Variants in LOC128092252 observed in about 807,000 individuals in gnomAD.
chr15:50,673,745 G>A, the LOC128092252 span, among the ~76,000 whole-genome samples: 57 of 152,200 alleles, frequency 3.7e-4, no homozygotes, highest in Admixed American at 2.9e-3. Flanking sequence ...ACATGCGTAC[G>A]CAAGTATCTT....
chr15:50,667,861 T>C, the LOC128092252 span, among the ~76,000 whole-genome samples: 36 of 152,246 alleles, frequency 2.4e-4, no homozygotes, highest in Non-Finnish European at 4.4e-4. Context: ...CAGGAAGCAT[T>C]GCCAAATATG....
the LOC128092252 span, among the ~76,000 whole-genome samples, chr15:50,684,515 C>A: frequency 3.9e-5 from 6 of 152,058 alleles, no homozygotes; most frequent in Non-Finnish European, 7.4e-5. Context: ...GTGGCTCGCA[C>A]CTGGAGTCCC....
the LOC128092252 span, among the ~76,000 whole-genome samples, chr15:50,680,349 T>C: frequency 6.6e-6 from 1 of 152,146 alleles, no homozygotes; most frequent in Non-Finnish European, 1.5e-5. Context: ...AAGGCCAGCC[T>C]GAGCAACATG....
the LOC128092252 span, among the ~76,000 whole-genome samples, chr15:50,654,640 T>G: frequency 6.6e-6 from 1 of 151,090 alleles, no homozygotes; most frequent in East Asian, 1.9e-4. Flanking sequence ...AGCAGTAAAA[T>G]GGAAACTATA....
chr15:50,654,420 C>T, the LOC128092252 span, among the ~76,000 whole-genome samples: 9 of 150,874 alleles, frequency 6.0e-5, no homozygotes, highest in East Asian at 1.6e-3. Flanking sequence ...GCACTCCAGC[C>T]TGGGCAACAG....
chr15:50,679,750 G>C, the LOC128092252 span, among the ~76,000 whole-genome samples: 1 of 150,788 alleles, frequency 6.6e-6, no homozygotes. Context: ...GGCCAGGCTG[G>C]TCTCAAACTC....
chr15:50,662,287 C>T, the LOC128092252 span, among the ~76,000 whole-genome samples: 1 of 149,098 alleles, frequency 6.7e-6, no homozygotes, highest in East Asian at 2.0e-4. Flanking sequence ...CTGGAGGGAG[C>T]TTGTACTCCA....
chr15:50,674,822 G>A, the LOC128092252 span, among the ~76,000 whole-genome samples: 4 of 151,962 alleles, frequency 2.6e-5, no homozygotes, highest in African/African-American at 9.7e-5. Flanking sequence ...GTTTGTTTTT[G>A]TTTTTTTGTT....
At chr15:50,667,834 T>C in the LOC128092252 span, among the ~76,000 whole-genome samples, 1 of 152,242 alleles carries the variant, frequency 6.6e-6, no homozygotes, top group African/African-American at 2.4e-5. Flanking sequence ...ATTTGGCTTA[T>C]TGACATAAAA....
the LOC128092252 span, among the ~76,000 whole-genome samples, chr15:50,664,946 C>A: frequency 6.6e-6 from 1 of 152,040 alleles, no homozygotes; most frequent in African/African-American, 2.4e-5. Flanking sequence ...GCCTCGTTGA[C>A]AGAGCAAGAC....
the LOC128092252 span, among the ~76,000 whole-genome samples, chr15:50,650,688 G>A: frequency 6.7e-6 from 1 of 150,296 alleles, no homozygotes; most frequent in South Asian, 2.1e-4. Flanking sequence ...CAGCAAGACT[G>A]GGTCTCAAAA....
chr15:50,663,405 C>T, the LOC128092252 span, among the ~76,000 whole-genome samples: 1 of 152,158 alleles, frequency 6.6e-6, no homozygotes, highest in Admixed American at 6.6e-5. Flanking sequence ...GGATTACAGG[C>T]GTGAGCCACC....
chr15:50,661,990 G>C, the LOC128092252 span, among the ~76,000 whole-genome samples: 3 of 152,196 alleles, frequency 2.0e-5, no homozygotes, highest in Non-Finnish European at 4.4e-5. Context: ...GGCCAAGGCA[G>C]GCAGATGACC....
the LOC128092252 span, among the ~76,000 whole-genome samples, chr15:50,651,384 G>A: frequency 6.7e-3 from 1,021 of 152,250 alleles, 16 homozygotes; most frequent in African/African-American, 0.024. Flanking sequence ...GGTGGCTCAC[G>A]CCTGTAATCC....
the LOC128092252 span, among the ~76,000 whole-genome samples, chr15:50,653,589 C>A: frequency 1.3e-5 from 2 of 152,116 alleles, no homozygotes; most frequent in Non-Finnish European, 2.9e-5. Context: ...GGTAAACCCC[C>A]ATGACTGCAC....
At chr15:50,672,315 C>G in the LOC128092252 span, among the ~76,000 whole-genome samples, 2 of 151,962 alleles carry the variant, frequency 1.3e-5, no homozygotes, top group African/African-American at 4.8e-5. Context: ...CTTGGCCTCC[C>G]AAAGTGCTAG....
the LOC128092252 span, among the ~76,000 whole-genome samples, chr15:50,677,001 T>A: frequency 1.3e-5 from 2 of 152,166 alleles, no homozygotes; most frequent in African/African-American, 4.8e-5. Flanking sequence ...GTTTGGAGTT[T>A]GAGTACAATG....
the LOC128092252 span, among the ~76,000 whole-genome samples, chr15:50,674,881 G>C: frequency 3.6e-4 from 54 of 152,022 alleles, no homozygotes; most frequent in African/African-American, 1.3e-3. Context: ...CCATAGTTTT[G>C]GGTTTTTTCC....
At chr15:50,677,493 C>A in the LOC128092252 span, among the ~76,000 whole-genome samples, 4 of 152,070 alleles carry the variant, frequency 2.6e-5, no homozygotes, top group African/African-American at 7.2e-5. Flanking sequence ...ATAATCCCAG[C>A]ACTTTGGGAG....
Sources: allele counts gnomAD v4.1 joint callset (sites outside exome capture counted in the v4.1 genomes callset), GRCh38; gene constraint gnomAD v4.1.1; transcripts MANE v1.5.